Variants in DDI2 observed in about 807,000 individuals in gnomAD.
DDI2 encodes DDI proteasomal shuttling factor 2.
Under a neutral mutation model 48.1 loss-of-function variants are expected in DDI2, and 5 were observed. The observed-to-expected ratio is 0.10, with a 90% CI of 0.05 to 0.22. The LOEUF is 0.22. Among genes scored for constraint, DDI2 ranks in the 10% least tolerant of loss-of-function variants. The probability of loss-of-function intolerance (pLI) is 1.00; values close to 1 mark genes in which losing one functional copy is unlikely to be tolerated. For synonymous variants in DDI2, 205 were observed against 183.6 expected (o/e 1.12, Z -0.94); for missense variants, 285 against 506.2 (o/e 0.56, Z 4.19).
At position 15,638,313 on chromosome 1, in the gene DDI2, G is replaced by T; in HGVS notation, c.639G>T (p.Gln213His). The T allele has an allele frequency of 6.2e-7, 1 of 1,613,824 alleles. No homozygotes were observed. The highest frequency in any genetic ancestry group is 1.1e-5 in the South Asian group (1 of 91,046). ...QAKIEEDIRQ[Q>H]NIEENMTIAM... Reference sequence around the variant, plus strand: ...TGGTCTTGTTCTGTTACAGGCAACAGAACATTGAGGAAAACATGACAATAG... The same window carrying T: ...TGGTCTTGTTCTGTTACAGGCAACATAACATTGAGGAAAACATGACAATAG... Residue 213 changes from glutamine (Q) to histidine (H), a missense_variant, in exon 5 of 10, where the codon CAG becomes CAT. Gln to His is a conservative substitution (Grantham distance 24, BLOSUM62 0). Coordinates refer to ENST00000480945, the MANE Select transcript of DDI2 (RefSeq NM_032341.5).
intron 8 of DDI2, 51 bp from the exon 9 acceptor site, chr1:15,656,566 T>G (rs755704735): frequency 6.2e-7 from 1 of 1,614,018 alleles, no homozygotes; most frequent in South Asian, 1.1e-5. Flanking sequence ...GCATGCTGTG[T>G]GGTTTGCATT....
rs754981775 is a variant in DDI2 at position 15,660,379 on chromosome 1, C to T, written c.*589C>T. On this transcript the variant is annotated 3_prime_UTR_variant, in exon 10 of 10. Transcript: ENST00000480945. ...GAGTGACCCTCAGCAGCACGAAGAA[C>T]CAGGGAATGAACAGTATGAGGTTGC... The T allele has an allele frequency of 1.7e-5, 27 of 1,613,792 alleles. No homozygotes were observed. Among genetic ancestry groups the T allele is most frequent in the Non-Finnish European group, 2.3e-5 (27 of 1,179,946 alleles).
rs532356503 is a variant in DDI2 at position 15,633,419 on chromosome 1, T to C, written c.506-20T>C. Reference sequence around the variant, plus strand: ...TGAAAATATAGTGATATTTAAGATTTTTCTCCCTTATTTTTGTAGAGAAAT... The same window carrying C: ...TGAAAATATAGTGATATTTAAGATTCTTCTCCCTTATTTTTGTAGAGAAAT... On this transcript the variant is annotated intron_variant, in intron 3 of 9. Transcript: ENST00000480945. 25 of 1,608,614 alleles carry C rather than the reference T, an allele frequency of 1.6e-5. No homozygotes were observed. The African/African-American group carries it at 3.2e-4, about 21-fold the overall frequency.
intron 1 of DDI2, 112 bp from the exon 2 acceptor site, chr1:15,626,557 T>TGGAGGGTTTGAAA: frequency 6.8e-7 from 1 of 1,470,130 alleles, no homozygotes; most frequent in South Asian, 1.3e-5. Context: ...GGGAATCCAC[T>TGGAGGGTTTGAAA]GGAGGGTTTG....
intron 8 of DDI2, among the ~76,000 whole-genome samples, chr1:15,655,044 T>C (rs1002269096): frequency 2.6e-5 from 4 of 152,170 alleles, no homozygotes; most frequent in Non-Finnish European, 5.9e-5. Flanking sequence ...GTTATCCTTT[T>C]TTGGTAATTA....
At chr1:15,646,279 A>G (rs1640089615) in intron 6 of DDI2, among the ~76,000 whole-genome samples, 1 of 152,220 alleles carries the variant, frequency 6.6e-6, no homozygotes, top group Non-Finnish European at 1.5e-5. Flanking sequence ...CCTATGCTCC[A>G]TAGGAGTTCT....
At chr1:15,645,353 C>G (rs1329783730) in intron 6 of DDI2, among the ~76,000 whole-genome samples, 1 of 152,188 alleles carries the variant, frequency 6.6e-6, no homozygotes, top group Non-Finnish European at 1.5e-5. Context: ...GGGACTTTCT[C>G]TGAATTATTT....
At chr1:15,652,846 A>T (rs990611162) in intron 8 of DDI2, among the ~76,000 whole-genome samples, 22 of 151,230 alleles carry the variant, frequency 1.5e-4, no homozygotes, top group African/African-American at 3.6e-4. Flanking sequence ...AATAAAAATT[A>T]AAAAAAAATT....
intron 9 of DDI2, chr1:15,656,935 A>G: frequency 8.5e-6 from 3 of 353,528 alleles, no homozygotes; most frequent in Non-Finnish European, 1.5e-5. Flanking sequence ...TGTCTATTAT[A>G]TCTACCCCAT....
chr1:15,661,896 C>G lies in DDI2; in HGVS notation c.*2106C>G. On this transcript the variant is annotated 3_prime_UTR_variant, in exon 10 of 10. Coordinates refer to ENST00000480945, the MANE Select transcript of DDI2 (RefSeq NM_032341.5). Reference sequence around the variant, plus strand: ...TTTTTCGGCCAAAGTAATTTATGATCTTTTGTCTGATGAATTTGTCTATCC... The same window carrying G: ...TTTTTCGGCCAAAGTAATTTATGATGTTTTGTCTGATGAATTTGTCTATCC... The G allele has an allele frequency of 1.1e-6, 1 of 924,346 alleles. No individual in the cohort carries two copies. Among genetic ancestry groups the G allele is most frequent in the Non-Finnish European group, 1.5e-6 (1 of 668,384 alleles). The allele number at this position is 924,346 out of a possible 1,614,324, so 57.3% of individuals were successfully genotyped here.
rs150804007 is a variant in DDI2, at chr1:15,660,525, T to C, written c.*735T>C. On this transcript the variant is annotated 3_prime_UTR_variant, in exon 10 of 10. Transcript: ENST00000480945. ...ATTTGGAAGCTACGATGAAAGGAAA[T>C]GGGCTCCCACAGAATGTGGATCCTC... The C allele has an allele frequency of 1.2e-6, 2 of 1,613,428 alleles. No homozygotes were observed. The highest frequency in any genetic ancestry group is 2.7e-5 in the African/African-American group (2 of 74,974).
rs896284422 is a variant in DDI2, at chr1:15,663,186, C to T, written c.*3396C>T. ...TGTAACATGTTTGAAACAGAAGCTT[C>T]GAAAGAGTGATTTCTCAACTTAGTG... On this transcript the variant is annotated 3_prime_UTR_variant, in exon 10 of 10. Transcript: ENST00000480945. 1.3e-5 allele frequency: 2 copies of T among 152,122 alleles called. No homozygotes were observed. The highest frequency in any genetic ancestry group is 4.8e-5 in the African/African-American group (2 of 41,422). The allele number at this position is 152,122 out of a possible 1,614,324, so 9.4% of individuals were successfully genotyped here.
intron 4 of DDI2, among the ~76,000 whole-genome samples, chr1:15,635,864 GGTTATTTCTAT>G (rs1454113905): frequency 6.6e-6 from 1 of 152,094 alleles, no homozygotes; most frequent in African/African-American, 2.4e-5. Flanking sequence ...ATTAATTTTA[GGTTATTTCTAT>G]GTTTAATAAT....
intron 6 of DDI2, among the ~76,000 whole-genome samples, chr1:15,648,475 G>A (rs1009825940): frequency 2.6e-5 from 4 of 152,196 alleles, no homozygotes; most frequent in African/African-American, 9.7e-5. Flanking sequence ...TAGATTTTTT[G>A]TGAGACTGGA....
Position 15,666,492 on chromosome 1 carries a change from TTTATG to T in DDI2, c.*6705_*6709del, listed in dbSNP as rs1640453560. 6.6e-6 allele frequency: 1 copy of T among 152,198 alleles called. No individual in the cohort carries two copies. Among genetic ancestry groups the T allele is most frequent in the Admixed American group, 6.5e-5 (1 of 15,280 alleles). The allele number at this position is 152,198 out of a possible 1,614,324, so 9.4% of individuals were successfully genotyped here. A position where few individuals can be genotyped will look rare whatever the true frequency, so the allele number is the denominator to read the frequency against. On this transcript the variant is annotated 3_prime_UTR_variant, in exon 10 of 10. Transcript: ENST00000480945. ...AATCACCAAAAACAGTTTTTAGATG[TTTATG>T]TTCTTTGTTTTACTATCAATGTTGT...
At chr1:15,625,090 T>C (rs868273594) in intron 1 of DDI2, among the ~76,000 whole-genome samples, 4 of 152,318 alleles carry the variant, frequency 2.6e-5, no homozygotes, top group South Asian at 2.1e-4. Flanking sequence ...GCATAATCAC[T>C]TTTTTTCCAG....
rs758883268 is a variant in DDI2 at position 15,617,636 on chromosome 1, GGCCGA to G, written c.-20_-16del. On this transcript the variant is annotated 5_prime_UTR_variant, in exon 1 of 10. Transcript: ENST00000480945. ...TCCCCTGCGCCCCGCGCCCAGGCCG[GGCCGA>G]GCCGAGCCGAGCCGGGTCGGGCCCG... The G allele has an allele frequency of 1.1e-4, 145 of 1,354,794 alleles. No homozygotes were observed. The highest frequency in any genetic ancestry group is 7.5e-4 in the Middle Eastern group (3 of 3,976). The allele number at this position is 1,354,794 out of a possible 1,614,324, so 83.9% of individuals were successfully genotyped here.
In DDI2 at chr1:15,665,466, G is replaced by A. The variant is rs191876542; in HGVS notation, c.*5676G>A. 6.6e-6 allele frequency: 1 copy of A among 152,128 alleles called. No homozygotes were observed. Among genetic ancestry groups the A allele is most frequent in the Admixed American group, 6.5e-5 (1 of 15,274 alleles). The allele number at this position is 152,128 out of a possible 1,614,324, so 9.4% of individuals were successfully genotyped here. Reference sequence around the variant, plus strand: ...AGGGTACATAGAAATGGAACATGAGGCTTTTTGTCACTGATTTTATGATAA... The same window carrying A: ...AGGGTACATAGAAATGGAACATGAGACTTTTTGTCACTGATTTTATGATAA... On this transcript the variant is annotated 3_prime_UTR_variant, in exon 10 of 10. Transcript: ENST00000480945.
chr1:15,658,417 T>C (rs2148305630), intron 9 of DDI2, among the ~76,000 whole-genome samples: 1 of 151,886 alleles, frequency 6.6e-6, no homozygotes, highest in African/African-American at 2.4e-5. Context: ...CCCAAAGTGC[T>C]GGGATTACAG....
Sources: allele counts gnomAD v4.1 joint callset (sites outside exome capture counted in the v4.1 genomes callset), GRCh38; gene constraint gnomAD v4.1.1; transcripts MANE v1.5; gene names NCBI Gene and HGNC (gene_info 2026-07-23, HGNC 2026-07-21).